The following MTO1 variants were observed in gnomAD, a reference collection of about 807,000 sequenced individuals.
The protein encoded by MTO1 is mitochondrial tRNA translation optimization 1.
MTO1 carries 46 observed loss-of-function variants against 71.6 expected under a neutral mutation model. That is an observed-to-expected ratio of 0.64 (90% CI 0.51 to 0.82). The LOEUF is 0.82. Ranked by LOEUF, MTO1 falls within the 40% of genes least tolerant of loss-of-function variation. MTO1 has a pLI of 0.00. For synonymous variants in MTO1, 297 were observed against 312.1 expected (o/e 0.95, Z 0.51); for missense variants, 773 against 867.5 (o/e 0.89, Z 1.37).
chr6:73,478,600 G>A (rs1425708807), intron 4 of MTO1, among the ~76,000 whole-genome samples: 1 of 152,090 alleles, frequency 6.6e-6, no homozygotes, highest in East Asian at 1.9e-4. Flanking sequence ...TGGTAATGGC[G>A]CAAGCTTGGC....
chr6:73,470,774 C>T (rs1329455623), intron 3 of MTO1, among the ~76,000 whole-genome samples: 2 of 151,900 alleles, frequency 1.3e-5, no homozygotes, highest in Non-Finnish European at 2.9e-5. Flanking sequence ...GCCAACATGG[C>T]GAAACTCGTC....
At chr6:73,476,496 A>G (rs907354448) in intron 4 of MTO1, among the ~76,000 whole-genome samples, 3 of 152,114 alleles carry the variant, frequency 2.0e-5, no homozygotes, top group African/African-American at 7.2e-5. Context: ...ACTTTTCTCA[A>G]TGTAAGAGTT....
At chr6:73,462,586 G>A in intron 1 of MTO1, among the ~76,000 whole-genome samples, 1 of 151,872 alleles carries the variant, frequency 6.6e-6, no homozygotes, top group East Asian at 1.9e-4. Flanking sequence ...AAAATTAGCC[G>A]GGCATGGTGG....
chr6:73,499,303 C>A (rs1305688368), intron 11 of MTO1, among the ~76,000 whole-genome samples: 1 of 151,996 alleles, frequency 6.6e-6, no homozygotes, highest in African/African-American at 2.4e-5. Context: ...TAATCATAGG[C>A]TACACTGCCA....
chr6:73,497,918 T>C (rs1396510458), intron 11 of MTO1, 22 bp downstream of exon 11: 1 of 1,588,366 alleles, frequency 6.3e-7, no homozygotes, highest in Admixed American at 1.7e-5. Context: ...GGCAGGAGAA[T>C]AGAAACAAGT....
chr6:73,492,189 T>C, intron 9 of MTO1, 45 bp from the exon 10 acceptor site: 5 of 1,195,018 alleles, frequency 4.2e-6, no homozygotes, highest in Non-Finnish European at 5.0e-6. Context: ...ATCTGCCTTA[T>C]ATGACATGGA....
chr6:73,469,163 C>T (rs904426111), intron 3 of MTO1, among the ~76,000 whole-genome samples: 1 of 152,078 alleles, frequency 6.6e-6, no homozygotes, highest in African/African-American at 2.4e-5. Flanking sequence ...CACTACCACA[C>T]CCAGCTTATT....
rs1019261948 is a variant in MTO1 at position 73,505,736 on chromosome 6, T to G, written c.*5001T>G. ...GCCCAGCTAATTTTTGTATTTTTAA[T>G]AGAGACAGGGTTTCACAGGTTGGCC... On this transcript the variant is annotated 3_prime_UTR_variant, in exon 12 of 12. Transcript: ENST00000498286. 6.6e-5 allele frequency: 10 copies of G among 152,104 alleles called. No individual in the cohort carries two copies. The highest frequency in any genetic ancestry group is 2.6e-4 in the Admixed American group (4 of 15,264). 9.4% of individuals were successfully genotyped at this position (152,104 alleles called of 1,614,324 possible).
At position 73,501,829 on chromosome 6, in the gene MTO1, T is replaced by G. The variant is rs1772169019; in HGVS notation, c.*1094T>G. ...CAGGAGAGTTCTAAGGGCCCCAAAG[T>G]CACTTTGGCTACAGATGTGTATGTT... On this transcript the variant is annotated 3_prime_UTR_variant, in exon 12 of 12. Transcript: ENST00000498286. The G allele has an allele frequency of 6.6e-6, 1 of 152,162 alleles. No individual in the cohort carries two copies. Among genetic ancestry groups the G allele is most frequent in the African/African-American group, 2.4e-5 (1 of 41,436 alleles). 9.4% of individuals were successfully genotyped at this position (152,162 alleles called of 1,614,324 possible). A position where few individuals can be genotyped will look rare whatever the true frequency, so the allele number is the denominator to read the frequency against.
Position 73,470,012 on chromosome 6 carries a change from G to C in MTO1, c.536-3353G>C, listed in dbSNP as rs558917908. Among the ~76,000 whole-genome samples, 7 of 151,948 alleles carry C rather than the reference G, an allele frequency of 4.6e-5. No homozygotes were observed. The South Asian group carries it at 1.5e-3, about 32-fold the overall frequency. ...AGCAAAACTCCGTCTCAAAAAAAAA[G>C]AAAAGATTTGAACCAGCCTTTTGGT... On this transcript the variant is annotated intron_variant, in intron 3 of 11. Transcript: ENST00000498286.
chr6:73,475,469 TA>T (rs1771285578), intron 4 of MTO1, among the ~76,000 whole-genome samples: 1 of 151,498 alleles, frequency 6.6e-6, no homozygotes, highest in African/African-American at 2.4e-5. Flanking sequence ...GCATTTTTAG[TA>T]GAGACAGGGT....
chr6:73,473,472 G>A lies in MTO1; in HGVS notation c.643G>A (p.Asp215Asn), dbSNP rs1395875240. The A allele has an allele frequency of 2.5e-6, 4 of 1,614,156 alleles. No individual in the cohort carries two copies. The South Asian group carries it at 4.4e-5, about 18-fold the overall frequency. Residue 215 changes from aspartate to asparagine, a missense_variant, in exon 4 of 12, where the codon GAT becomes AAT. Coordinates refer to ENST00000498286, the MANE Select transcript of MTO1 (RefSeq NM_012123.4). ...GACGCATCCAGCAGGACGTTTAGGG[G>A]ATCAGCCTTCTATAGGATTGGCTCA... ...LETHPAGRLGDQPSIGLAQTL... is the reference protein window; with the variant it reads ...LETHPAGRLGNQPSIGLAQTL...
intron 10 of MTO1, 34 bp from the exon 11 acceptor site, chr6:73,497,702 G>A: frequency 6.3e-7 from 1 of 1,589,044 alleles, no homozygotes; most frequent in South Asian, 1.1e-5. Context: ...ATATAATCTG[G>A]GTATTATAAC....
At chr6:73,495,920 A>T (rs2150044097) in intron 10 of MTO1, among the ~76,000 whole-genome samples, 1 of 152,280 alleles carries the variant, frequency 6.6e-6, no homozygotes, top group Admixed American at 6.5e-5. Flanking sequence ...AGATATTAGC[A>T]TTGTTGTCCC....
At chr6:73,477,581 A>C (rs1419709358) in intron 4 of MTO1, among the ~76,000 whole-genome samples, 2 of 148,046 alleles carry the variant, frequency 1.4e-5, no homozygotes, top group African/African-American at 5.0e-5. Context: ...ATCTCAGCTC[A>C]CTGTAACCTC....
intron 1 of MTO1, among the ~76,000 whole-genome samples, chr6:73,463,693 T>C (rs1361712452): frequency 6.6e-6 from 1 of 152,170 alleles, no homozygotes; most frequent in Non-Finnish European, 1.5e-5. Context: ...TATGATTTCC[T>C]AAAAGATTAT....
At chr6:73,487,092 G>A (rs535609006) in intron 9 of MTO1, among the ~76,000 whole-genome samples, 1 of 152,088 alleles carries the variant, frequency 6.6e-6, no homozygotes, top group Non-Finnish European at 1.5e-5. Flanking sequence ...TCTGTTGATG[G>A]ACACTTGAGT....
In MTO1 at chr6:73,504,101, A is replaced by G. The variant is rs1430793021; in HGVS notation, c.*3366A>G. On this transcript the variant is annotated 3_prime_UTR_variant, in exon 12 of 12. Transcript: ENST00000498286. The stretch of plus-strand genomic sequence containing the variant: ...GTTCCTCTTACACTCCCTCTCCACA[A>G]TACTTCTATTATTACACTTACTTCG... 6.6e-6 allele frequency: 1 copy of G among 152,116 alleles called. No homozygotes were observed. The highest frequency in any genetic ancestry group is 2.4e-5 in the African/African-American group (1 of 41,428). 9.4% of individuals were successfully genotyped at this position (152,116 alleles called of 1,614,324 possible). A position where few individuals can be genotyped will look rare whatever the true frequency, so the allele number is the denominator to read the frequency against.
chr6:73,467,811 T>G (rs999813589), intron 3 of MTO1, among the ~76,000 whole-genome samples: 15 of 151,960 alleles, frequency 9.9e-5, no homozygotes, highest in East Asian at 1.9e-4. Flanking sequence ...TATTAACTTT[T>G]TTTGTTTGTT....
Sources: allele counts gnomAD v4.1 joint callset (sites outside exome capture counted in the v4.1 genomes callset), GRCh38; gene constraint gnomAD v4.1.1; transcripts MANE v1.5; gene names NCBI Gene and HGNC (gene_info 2026-07-23, HGNC 2026-07-21).